SMCO2: variants seen among roughly 807,000 people sequenced by gnomAD.
SMCO2 encodes single-pass membrane and coiled-coil domain-containing protein 2.
Under a neutral mutation model 29.5 loss-of-function variants are expected in SMCO2, and 25 were observed. The ratio of observed to expected loss-of-function variants is 0.85; its 90% CI spans 0.62 to 1.18. The LOEUF (loss-of-function observed/expected upper bound fraction) is 1.18, where lower values mean the gene tolerates loss of function less well. Ranked by LOEUF, SMCO2 falls within the 50% of genes most tolerant of loss-of-function variation. The pLI, the probability that SMCO2 is intolerant of heterozygous loss-of-function variation, is 0.00. For synonymous variants in SMCO2, 117 were observed against 123.3 expected (o/e 0.95, Z 0.34); for missense variants, 348 against 344.5 (o/e 1.01, Z -0.08).
At chr12:27,448,215 T>G in the SMCO2 span, among the ~76,000 whole-genome samples, 1 of 152,186 alleles carries the variant, frequency 6.6e-6, no homozygotes, top group East Asian at 1.9e-4. Flanking sequence ...TCCCAGAAGT[T>G]GTTACTCATT....
At chr12:27,441,363 G>A in the SMCO2 span, among the ~76,000 whole-genome samples, 4 of 152,118 alleles carry the variant, frequency 2.6e-5, no homozygotes, top group Non-Finnish European at 4.4e-5. Flanking sequence ...AAAAATACAC[G>A]TAGACCGAAA....
intron 5 of SMCO2, among the ~76,000 whole-genome samples, chr12:27,489,944 C>A (rs1258705719): frequency 1.3e-5 from 2 of 152,086 alleles, no homozygotes; most frequent in Non-Finnish European, 2.9e-5. Flanking sequence ...GAAACACATA[C>A]ATAAATGAAA....
At chr12:27,499,612 C>T (rs1943053899) in intron 7 of SMCO2, among the ~76,000 whole-genome samples, 1 of 150,662 alleles carries the variant, frequency 6.6e-6, no homozygotes. Flanking sequence ...AACCAACCAA[C>T]CAGACAAATA....
At chr12:27,457,417 A>T in the SMCO2 span, among the ~76,000 whole-genome samples, 4 of 152,088 alleles carry the variant, frequency 2.6e-5, no homozygotes, top group Admixed American at 1.3e-4. Context: ...CCCACTCACA[A>T]AGTCTCTTGC....
At chr12:27,499,509 T>G (rs1419112389) in intron 7 of SMCO2, among the ~76,000 whole-genome samples, 2 of 150,520 alleles carry the variant, frequency 1.3e-5, no homozygotes, top group East Asian at 3.9e-4. Flanking sequence ...AATTAGATAG[T>G]GGTGATGGTT....
At chr12:27,456,466 G>A in the SMCO2 span, among the ~76,000 whole-genome samples, 2 of 152,082 alleles carry the variant, frequency 1.3e-5, no homozygotes, top group Non-Finnish European at 2.9e-5. Flanking sequence ...GCAGAGGGGG[G>A]AGGAATGGGG....
At chr12:27,475,806 G>A in intron 4 of SMCO2, 75 bp downstream of exon 5, 1 of 1,326,910 alleles carries the variant, frequency 7.5e-7, no homozygotes, top group Non-Finnish European at 9.8e-7. Flanking sequence ...GAAACTTTGG[G>A]CTTAAGATGA....
At chr12:27,458,021 G>A in the SMCO2 span, among the ~76,000 whole-genome samples, 1 of 152,070 alleles carries the variant, frequency 6.6e-6, no homozygotes, top group East Asian at 1.9e-4. Flanking sequence ...TTTCTCATCT[G>A]CTGTCAGCTG....
chr12:27,485,215 G>A (rs913990364), intron 4 of SMCO2, among the ~76,000 whole-genome samples: 1 of 150,832 alleles, frequency 6.6e-6, no homozygotes. Flanking sequence ...TTGGTTCTGC[G>A]GTATCTGATA....
the SMCO2 span, among the ~76,000 whole-genome samples, chr12:27,456,317 C>T: frequency 3.9e-5 from 6 of 152,236 alleles, no homozygotes; most frequent in Non-Finnish European, 7.3e-5. Flanking sequence ...GAAGAATGCA[C>T]ATCAATATAG....
rs1000966205 is a variant in SMCO2, at chr12:27,470,139, C to T, written c.-10-483C>T. On this transcript the variant is annotated intron_variant, in intron 1 of 7. Transcript: ENST00000298876. Reference sequence around the variant, plus strand: ...AATGGGAAAAGAATAAAACAAACACCAAATCTAGAAGCAGAAATAAAATGT... The same window carrying T: ...AATGGGAAAAGAATAAAACAAACACTAAATCTAGAAGCAGAAATAAAATGT... 7.2e-5 allele frequency among the ~76,000 whole-genome samples: 11 copies of T among 152,014 alleles called. No individual in the cohort carries two copies. In the East Asian group the frequency reaches 1.2e-3, roughly 16 times the overall value.
chr12:27,477,222 T>C (rs1055137676), intron 4 of SMCO2, among the ~76,000 whole-genome samples: 1 of 138,932 alleles, frequency 7.2e-6, no homozygotes, highest in East Asian at 1.9e-4. Flanking sequence ...TTTTTTTTTT[T>C]TTTTTTTTTT....
chr12:27,480,268 C>A (rs1949630432), intron 4 of SMCO2, among the ~76,000 whole-genome samples: 1 of 152,204 alleles, frequency 6.6e-6, no homozygotes, highest in Non-Finnish European at 1.5e-5. Context: ...GGTGTCCACC[C>A]ACACTGAGGG....
intron 7 of SMCO2, chr12:27,498,148 G>A: frequency 2.8e-6 from 1 of 363,034 alleles, no homozygotes. Flanking sequence ...CCCATAACCG[G>A]TTGAGTGACA....
chr12:27,456,137 C>T, the SMCO2 span, among the ~76,000 whole-genome samples: 2 of 152,188 alleles, frequency 1.3e-5, no homozygotes, highest in Non-Finnish European at 1.5e-5. Flanking sequence ...ATCACTTGAA[C>T]CCGGGAGGCA....
Position 27,478,413 on chromosome 12 carries a change from C to A in SMCO2, c.362+3500C>A, listed in dbSNP as rs868511739. ...GGCTTCTAGGCAGCTTGCTTGATTG[C>A]TGACAGTGGCAGCAGTGGCTGAGAA... On this transcript the variant is annotated intron_variant, in intron 4 of 7. Transcript: ENST00000298876. 6.6e-5 allele frequency among the ~76,000 whole-genome samples: 10 copies of A among 152,136 alleles called. No individual in the cohort carries two copies. The South Asian group carries it at 2.1e-3, about 32-fold the overall frequency.
the SMCO2 span, among the ~76,000 whole-genome samples, chr12:27,441,296 T>C: frequency 3.9e-5 from 6 of 152,114 alleles, no homozygotes; most frequent in East Asian, 1.9e-4. Flanking sequence ...AGGAGCTGAA[T>C]TGATAAATAA....
chr12:27,500,838 C>G (rs377585), intron 7 of SMCO2, among the ~76,000 whole-genome samples: 1 of 150,112 alleles, frequency 6.7e-6, no homozygotes, highest in Non-Finnish European at 1.5e-5. Flanking sequence ...GGGATAATGG[C>G]GAGAAACTTG....
At chr12:27,456,207 C>T in the SMCO2 span, among the ~76,000 whole-genome samples, 1 of 152,090 alleles carries the variant, frequency 6.6e-6, no homozygotes, top group Non-Finnish European at 1.5e-5. Context: ...AAGAGTGAAA[C>T]TCCATCTCAA....
Sources: gnomAD v4.1 joint callset for allele counts (sites outside exome capture counted in the v4.1 genomes callset) on GRCh38, gnomAD v4.1.1 for gene constraint, MANE v1.5 for transcripts, NCBI Gene and HGNC (gene_info 2026-07-23, HGNC 2026-07-21) for gene names.